The following COL6A5 variants were observed in gnomAD, a reference collection of about 807,000 sequenced individuals.
COL6A5 encodes the protein collagen type VI alpha 5 chain.
COL6A5 carries 48 observed loss-of-function variants against 65.6 expected under a neutral mutation model. The ratio of observed to expected loss-of-function variants is 0.73; its 90% confidence interval spans 0.58 to 0.93. The LOEUF (loss-of-function observed/expected upper bound fraction) is 0.93. COL6A5 is among the 40% of genes least tolerant of loss of function. COL6A5 has a pLI of 0.00. For missense variants in COL6A5, 914 were observed against 928.3 expected, an observed-to-expected ratio of 0.98 and a Z score of 0.20; for synonymous variants, 291 against 322.8, an observed-to-expected ratio of 0.90 and a Z score of 1.05.
chr3:130,444,851 A>G (rs148289406), intron 4 of COL6A5, among the ~76,000 whole-genome samples: 28 of 152,332 alleles, frequency 1.8e-4, no homozygotes, highest in African/African-American at 6.5e-4. Flanking sequence ...GTTATGTCCA[A>G]TGATAAGTTA....
At chr3:130,472,735 C>A (rs1308881927) in intron 7 of COL6A5, among the ~76,000 whole-genome samples, 1 of 149,452 alleles carries the variant, frequency 6.7e-6, no homozygotes, top group African/African-American at 2.5e-5. Flanking sequence ...TGCTCAACAG[C>A]AGAATTAAAA....
exon 6 of COL6A5, chr3:130,469,270 C>A (rs1709891873): frequency 6.2e-7 from 1 of 1,613,004 alleles, no homozygotes. Context: ...ACTCTTTAGA[C>A]AAAGACGTCT....
intron 4 of COL6A5, among the ~76,000 whole-genome samples, chr3:130,448,332 G>A (rs9844861): frequency 0.14 from 21,256 of 152,094 alleles, 1,913 homozygotes; most frequent in East Asian, 0.32. Context: ...TAAAGCCTCA[G>A]GGGTCAAAGT....
intron 7 of COL6A5, chr3:130,471,829 G>C (rs375266034): frequency 6.5e-7 from 1 of 1,534,814 alleles, no homozygotes; most frequent in East Asian, 2.4e-5. Context: ...AGTTATATCT[G>C]CTCTTTTCAA....
At chr3:130,409,087 T>C (rs1937092970) in intron 17 of COL6A5, among the ~76,000 whole-genome samples, 1 of 152,300 alleles carries the variant, frequency 6.6e-6, no homozygotes, top group Non-Finnish European at 1.5e-5. Context: ...GAAACTCCTA[T>C]TGGACAGTGC....
At chr3:130,417,872 T>C (rs1170770535) in intron 24 of COL6A5, among the ~76,000 whole-genome samples, 3 of 152,070 alleles carry the variant, frequency 2.0e-5, no homozygotes, top group Non-Finnish European at 4.4e-5. Context: ...GCCCAGCAAA[T>C]TGTATCACGG....
At chr3:130,388,933 G>A in exon 6 of COL6A5, 1 of 1,548,280 alleles carries the variant, frequency 6.5e-7, no homozygotes, top group Non-Finnish European at 8.7e-7. Context: ...CACAGATGGA[G>A]TAGCGCAGGA....
intron 4 of COL6A5, among the ~76,000 whole-genome samples, chr3:130,453,305 T>C (rs113355291): frequency 0.013 from 1,951 of 152,254 alleles, 48 homozygotes; most frequent in African/African-American, 0.044. Context: ...AAGTATTAAT[T>C]TGGGGAACTA....
At chr3:130,350,881 C>A (rs1469001982) in intron 1 of COL6A5, among the ~76,000 whole-genome samples, 1 of 152,188 alleles carries the variant, frequency 6.6e-6, no homozygotes, top group Non-Finnish European at 1.5e-5. Context: ...AAGAACTAAG[C>A]TGGAGGCATC....
In COL6A5 at chr3:130,481,531, A is replaced by T. The variant is rs1710240415; in HGVS notation, c.2329-2504A>T. The stretch of plus-strand genomic sequence containing the variant: ...ACGTGTGCATGTGTCTTTATAGTAG[A>T]ATGATTTATAATCCTCTGGGAATAT... On this transcript the variant is annotated intron_variant, in intron 7 of 7. Transcript: ENST00000512836. 2.0e-5 allele frequency among the ~76,000 whole-genome samples: 3 copies of T among 152,064 alleles called. No individual in the cohort carries two copies. In the South Asian group the frequency reaches 6.2e-4, roughly 32 times the overall value.
At chr3:130,402,617 A>T (rs553809950) in intron 12 of COL6A5, among the ~76,000 whole-genome samples, 1 of 152,294 alleles carries the variant, frequency 6.6e-6, no homozygotes, top group South Asian at 2.1e-4. Flanking sequence ...GCAAGAAAAT[A>T]TTATCAGAAG....
chr3:130,452,236 C>T (rs563279781), intron 4 of COL6A5, among the ~76,000 whole-genome samples: 9 of 152,198 alleles, frequency 5.9e-5, no homozygotes, highest in South Asian at 2.1e-4. Context: ...GACGTTTCTC[C>T]GCACCTACCA....
chr3:130,440,203 C>A, exon 3 of COL6A5: 3 of 1,612,850 alleles, frequency 1.9e-6, no homozygotes, highest in Non-Finnish European at 2.5e-6. Flanking sequence ...GAGAGGCTTT[C>A]TTACCTGAAG....
At chr3:130,388,186 C>A (rs1013387001) in intron 5 of COL6A5, among the ~76,000 whole-genome samples, 4 of 152,076 alleles carry the variant, frequency 2.6e-5, no homozygotes, top group Middle Eastern at 6.8e-3. Context: ...ACATAAAACC[C>A]TGGAGTGTTA....
At chr3:130,429,825 G>A (rs1170631876), upstream of COL6A5, among the ~76,000 whole-genome samples, 1 of 152,182 alleles carries the variant, frequency 6.6e-6, no homozygotes, top group Non-Finnish European at 1.5e-5. Flanking sequence ...TTTCTCCCCA[G>A]TGCTGGCCCT....
At chr3:130,431,302 G>T (rs1365311919), upstream of COL6A5, 1 of 799,950 alleles carries the variant, frequency 1.3e-6, no homozygotes, top group Non-Finnish European at 2.1e-6. Context: ...AAGTTTGCAG[G>T]CCAGATTTCT....
chr3:130,409,252 A>C, intron 17 of COL6A5, 74 bp from the exon 18 acceptor site: 2 of 1,170,374 alleles, frequency 1.7e-6, no homozygotes, highest in Non-Finnish European at 2.4e-6. Context: ...CCCCCTACAT[A>C]CAAAACTTCA....
chr3:130,469,514 A>G (rs983355956), intron 6 of COL6A5, 33 bp downstream of exon 38: 1 of 1,522,744 alleles, frequency 6.6e-7, no homozygotes, highest in African/African-American at 1.4e-5. Context: ...TTGCTTTTGC[A>G]ATAGATTTAA....
intron 7 of COL6A5, among the ~76,000 whole-genome samples, chr3:130,481,204 AC>A (rs894768343): frequency 8.0e-5 from 6 of 74,908 alleles, no homozygotes; most frequent in African/African-American, 2.3e-4. Flanking sequence ...TTTGCCCCCC[AC>A]CCCCCGACAA....
Sources: allele counts gnomAD v4.1 joint callset (sites outside exome capture counted in the v4.1 genomes callset), GRCh38; gene constraint gnomAD v4.1.1; transcripts MANE v1.5; gene names NCBI Gene and HGNC (gene_info 2026-07-23, HGNC 2026-07-21).